GRM6: variants seen among roughly 807,000 people sequenced by gnomAD.
GRM6 encodes glutamate metabotropic receptor 6.
Under a neutral mutation model 78.4 loss-of-function variants are expected in GRM6, and 73 were observed. That is an observed-to-expected ratio of 0.93 (90% confidence interval 0.77 to 1.13). The LOEUF is 1.13. Among genes scored for constraint, GRM6 ranks in the 50% most tolerant of loss-of-function variants. The probability of loss-of-function intolerance (pLI) is 0.00; values close to 1 mark genes in which losing one functional copy is unlikely to be tolerated. For missense variants in GRM6, 1,251 were observed against 1,256.4 expected (o/e 1.00, Z 0.07); for synonymous variants, 580 against 555.0 (o/e 1.05, Z -0.63).
rs533525913 is a variant in GRM6 at position 178,989,400 on chromosome 5, C to T, written c.1018G>A (p.Asp340Asn). The change falls in exon 6 of 11, where the codon GAC becomes AAC. Residue 340 changes from aspartate to asparagine, a missense_variant. Transcript: ENST00000517717. ...AGGGATCGAGTCATGAAGTACTGGT[C>T]AAATCCTACAGACAGGGAAGAAGGG... The part of the protein sequence containing the change: ...LPKRASIDGF[D>N]QYFMTRSLEN... The T allele has an allele frequency of 1.2e-6, 2 of 1,614,102 alleles. No homozygotes were observed. Among genetic ancestry groups the T allele is most frequent in the East Asian group, 2.2e-5 (1 of 44,882 alleles).
chr5:178,991,786 C>T lies in GRM6; in HGVS notation c.721+81G>A, dbSNP rs1760679953. The stretch of plus-strand genomic sequence containing the variant: ...CGGCCCAGCATGGACCTGGGCCCCC[C>T]ATCTTTCTGCTTCTGCCCCAACTGA... On this transcript the variant is annotated intron_variant, in intron 3 of 10. Transcript: ENST00000517717. The surrounding 1 kb of genome is among the most constrained non-coding windows in gnomAD (Gnocchi z 5.0). 5 of 1,282,154 alleles carry T rather than the reference C, an allele frequency of 3.9e-6. No individual in the cohort carries two copies. In the South Asian group the frequency reaches 4.9e-5, roughly 13 times the overall value. The allele number at this position is 1,282,154 out of a possible 1,614,324, so 79.4% of individuals were successfully genotyped here. A position where few individuals can be genotyped will look rare whatever the true frequency, so the allele number is the denominator to read the frequency against.
Position 178,992,042 on chromosome 5 carries a change from G to A in GRM6, c.546C>T (p.Ser182=), listed in dbSNP as rs200220261. 7.4e-6 allele frequency: 12 copies of A among 1,613,822 alleles called. No individual in the cohort carries two copies. Among genetic ancestry groups the A allele is most frequent in the Middle Eastern group, 1.6e-4 (1 of 6,084 alleles). Reference sequence around the variant, plus strand: ...AGAAGAAGTCATAGCGTGTGGAGTCGCTGAGCTCCGGGGCTGTGGAGGCAT... The same window carrying A: ...AGAAGAAGTCATAGCGTGTGGAGTCACTGAGCTCCGGGGCTGTGGAGGCAT... ...ISYASTAPEL[S]DSTRYDFFSR... is the part of the protein sequence containing the mutation. Residue 182 remains serine (S), a synonymous_variant, in exon 3 of 11, where the codon AGC becomes AGT. Coordinates refer to ENST00000517717, the MANE Select transcript of GRM6 (RefSeq NM_000843.4). This position sits in a 1 kb window ranked among gnomAD's most constrained non-coding sequence, Gnocchi z 4.9.
chr5:178,985,620 G>C (rs562122001), intron 9 of GRM6: 99 of 361,886 alleles, frequency 2.7e-4, no homozygotes, highest in Middle Eastern at 5.2e-4. Flanking sequence ...GGAGAATGGC[G>C]TGAACCCGGA....
In GRM6 at chr5:178,986,220, G is replaced by A. The variant is rs1581894315; in HGVS notation, c.2034C>T (p.Ile678=). The change falls in exon 9 of 11, where the codon ATC becomes ATT. Residue 678 remains isoleucine (I), a synonymous_variant. Transcript: ENST00000517717. ...LLTKTNRIYR[I]FEQGKRSVTP... ...TGACCGAGCGCTTGCCCTGCTCAAA[G>A]ATGCGGTAGATACGGTTGGTCTTGG... The A allele has an allele frequency of 6.2e-7, 1 of 1,614,204 alleles. No individual in the cohort carries two copies. The highest frequency in any genetic ancestry group is 8.5e-7 in the Non-Finnish European group (1 of 1,180,024).
At chr5:178,983,646 T>C (rs955660329) in intron 9 of GRM6, 2 of 343,750 alleles carry the variant, frequency 5.8e-6, no homozygotes, top group Admixed American at 8.1e-5. Context: ...TCACGTGTAC[T>C]GAGCTTCAAA....
rs775721358 is a variant in GRM6 at position 178,988,973 on chromosome 5, C to T, written c.1316G>A (p.Arg439Gln). The T allele has an allele frequency of 6.8e-5, 109 of 1,613,742 alleles. No individual in the cohort carries two copies. Among genetic ancestry groups the T allele is most frequent in the Non-Finnish European group, 7.4e-5 (87 of 1,179,950 alleles). Residue 439 changes from arginine (R) to glutamine (Q), a missense_variant, in exon 7 of 11, where the codon CGG becomes CAG. By Grantham distance (43) the Arg-to-Gln change is conservative. Coordinates refer to ENST00000517717, the MANE Select transcript of GRM6 (RefSeq NM_000843.4). This position sits in a 1 kb window ranked among gnomAD's most constrained non-coding sequence, Gnocchi z 6.0. ...AGCTCGAATGTACTGCAGAAGCATCCGCCCATCAGTGGGTTCCATCGCCGG... is the reference window on the plus strand; with the variant it reads ...AGCTCGAATGTACTGCAGAAGCATCTGCCCATCAGTGGGTTCCATCGCCGG... ...LCPAMEPTDG[R>Q]MLLQYIRAVR...
In GRM6 at chr5:178,992,001, G is replaced by C; in HGVS notation, c.587C>G (p.Pro196Arg). 1 of 1,614,104 alleles carries C rather than the reference G, an allele frequency of 6.2e-7. No individual in the cohort carries two copies. The highest frequency in any genetic ancestry group is 1.1e-5 in the South Asian group (1 of 91,078). The change falls in exon 3 of 11, where the codon CCC becomes CGC. Residue 196 changes from proline to arginine, a missense_variant. Coordinates refer to ENST00000517717, the MANE Select transcript of GRM6 (RefSeq NM_000843.4). This position sits in a 1 kb window ranked among gnomAD's most constrained non-coding sequence, Gnocchi z 4.9. ...RYDFFSRVVPPDSYQAQAMVD... is the reference protein window; with the variant it reads ...RYDFFSRVVPRDSYQAQAMVD... ...CATGGCCTGCGCCTGGTAGGAGTCGGGTGGCACCACCCGGGAGAAGAAGTC... is the reference window on the plus strand; with the variant it reads ...CATGGCCTGCGCCTGGTAGGAGTCGCGTGGCACCACCCGGGAGAAGAAGTC...
Position 178,986,244 on chromosome 5 carries a change from G to A in GRM6, c.2010C>T (p.Thr670=), listed in dbSNP as rs781045383. The change falls in exon 9 of 11, where the codon ACC becomes ACT. Residue 670 remains threonine, a synonymous_variant. Transcript: ENST00000517717. ...GTTLSYSALL[T]KTNRIYRIFE... Reference sequence around the variant, plus strand: ...AGATGCGGTAGATACGGTTGGTCTTGGTGAGCAGGGCAGAGTAGCTGAGGG... The same window carrying A: ...AGATGCGGTAGATACGGTTGGTCTTAGTGAGCAGGGCAGAGTAGCTGAGGG... The A allele has an allele frequency of 6.2e-7, 1 of 1,614,198 alleles. No individual in the cohort carries two copies. The highest frequency in any genetic ancestry group is 1.6e-4 in the Middle Eastern group (1 of 6,062).
At chr5:178,983,596 C>G (rs1260273414) in intron 9 of GRM6, 2 of 407,900 alleles carry the variant, frequency 4.9e-6, no homozygotes, top group Non-Finnish European at 4.9e-6. Flanking sequence ...GCCGGAAGCT[C>G]TGGAACTGAG....
chr5:178,983,738 T>G (rs1180171204), intron 9 of GRM6, among the ~76,000 whole-genome samples: 1 of 152,162 alleles, frequency 6.6e-6, no homozygotes, highest in African/African-American at 2.4e-5. Context: ...CGAGGAGTAC[T>G]GGAGTCTGTG....
In GRM6 at chr5:178,981,682, C is replaced by T. The variant is rs1290306808; in HGVS notation, c.2609G>A (p.Gly870Asp). The change falls in exon 11 of 11, where the codon GGC becomes GAC. Residue 870 changes from glycine (G) to aspartate (D), a missense_variant. Coordinates refer to ENST00000517717, the MANE Select transcript of GRM6 (RefSeq NM_000843.4). The surrounding 1 kb of genome is among the most constrained non-coding windows in gnomAD (Gnocchi z 5.1). ...CTACTTGTGGGCCTCTGCATCCTCG[C>T]CCTTGGGTGGGGCTGCCACCGTGGA... ...ATSTVAAPPKGEDAEAHK is the reference protein window; with the variant it reads ...ATSTVAAPPKDEDAEAHK 1 of 1,614,030 alleles carries T rather than the reference C, an allele frequency of 6.2e-7. No homozygotes were observed. Among genetic ancestry groups the T allele is most frequent in the Admixed American group, 1.7e-5 (1 of 60,016 alleles).
rs143124859 is a variant in GRM6, at chr5:178,992,911, G to C, written c.505-828C>G. The stretch of plus-strand genomic sequence containing the variant: ...GGGCTGGAGAGAAACAAGAAGGAGA[G>C]AGGGAGAGAGAGAGAGAGAAACAAC... On this transcript the variant is annotated intron_variant, in intron 2 of 10. Transcript: ENST00000517717. The surrounding 1 kb of genome is among the most constrained non-coding windows in gnomAD (Gnocchi z 4.9). Among the ~76,000 whole-genome samples the C allele has an allele frequency of 5.3e-5, 8 of 151,974 alleles. No homozygotes were observed. The highest frequency in any genetic ancestry group is 1.2e-4 in the Non-Finnish European group (8 of 67,970).
intron 7 of GRM6, 187 bp from the exon 8 acceptor site, chr5:178,987,170 G>A (rs1351769436): frequency 1.4e-6 from 1 of 711,988 alleles, no homozygotes; most frequent in Non-Finnish European, 2.5e-6. Context: ...CCAAGAACCA[G>A]AAAATAACGA....
chr5:178,990,645 T>C lies in GRM6; in HGVS notation c.959A>G (p.Glu320Gly). 1 of 1,612,360 alleles carries C rather than the reference T, an allele frequency of 6.2e-7. No individual in the cohort carries two copies. The highest frequency in any genetic ancestry group is 8.5e-7 in the Non-Finnish European group (1 of 1,179,564). Residue 320 changes from glutamate to glycine, a missense_variant, in exon 5 of 11, where the codon GAG becomes GGG. Coordinates refer to ENST00000517717, the MANE Select transcript of GRM6 (RefSeq NM_000843.4). ...GAKTSPILSL[E>G]DVAVGAITIL... Reference sequence around the variant, plus strand: ...GGTGATGGCCCCAACGGCCACGTCCTCCAGGCTCAAGATGGGTGAGGTCTT... The same window carrying C: ...GGTGATGGCCCCAACGGCCACGTCCCCCAGGCTCAAGATGGGTGAGGTCTT...
intron 9 of GRM6, chr5:178,985,377 G>A (rs548172134): frequency 3.6e-5 from 14 of 390,688 alleles, no homozygotes; most frequent in Non-Finnish European, 6.0e-5. Flanking sequence ...TGTCACAGGA[G>A]GGGAGGGGCT....
intron 2 of GRM6, among the ~76,000 whole-genome samples, 189 bp downstream of exon 2, chr5:178,994,252 G>A (rs1211468437): frequency 1.3e-5 from 2 of 152,202 alleles, no homozygotes; most frequent in Non-Finnish European, 2.9e-5. Context: ...ATGGGCGGCT[G>A]GAGTGTTTGG....
rs1359315687 is a variant in GRM6 at position 178,978,401 on chromosome 5, A to G, written c.*3256T>C. Reference sequence around the variant, plus strand: ...GTTACCTGGACTCTTTACAGTAAGCAATGAATGTAATAAATTAAAGGGAAA... The same window carrying G: ...GTTACCTGGACTCTTTACAGTAAGCGATGAATGTAATAAATTAAAGGGAAA... On this transcript the variant is annotated 3_prime_UTR_variant, in exon 11 of 11. Coordinates refer to ENST00000517717, the MANE Select transcript of GRM6 (RefSeq NM_000843.4). 6.6e-6 allele frequency: 1 copy of G among 152,242 alleles called. No homozygotes were observed. Among genetic ancestry groups the G allele is most frequent in the Admixed American group, 6.5e-5 (1 of 15,284 alleles). The allele number at this position is 152,242 out of a possible 1,614,324, so 9.4% of individuals were successfully genotyped here.
chr5:178,990,292 C>G (rs896344273), intron 5 of GRM6, among the ~76,000 whole-genome samples: 1 of 152,216 alleles, frequency 6.6e-6, no homozygotes, highest in Non-Finnish European at 1.5e-5. Flanking sequence ...CTCCCACCCT[C>G]ACCCTCAGAT....
chr5:178,994,697 G>C lies in GRM6; in HGVS notation c.248C>G (p.Pro83Arg). 6.8e-7 allele frequency: 1 copy of C among 1,470,054 alleles called. No individual in the cohort carries two copies. Among genetic ancestry groups the C allele is most frequent in the Non-Finnish European group, 9.0e-7 (1 of 1,113,728 alleles). 91.1% of individuals were successfully genotyped at this position (1,470,054 alleles called of 1,614,324 possible). ...CAGGCGCACGCCGGGCAGCAGCTCG[G>C]GGTCGGCGTTGACGCGGTCCAGCGC... ...LYALDRVNADPELLPGVRLGA... is the reference protein window; with the variant it reads ...LYALDRVNADRELLPGVRLGA... Residue 83 changes from proline (P) to arginine (R), a missense_variant, in exon 2 of 11, where the codon CCC (proline) becomes CGC (arginine). Coordinates refer to ENST00000517717, the MANE Select transcript of GRM6 (RefSeq NM_000843.4).
Sources: allele counts gnomAD v4.1 joint callset (sites outside exome capture counted in the v4.1 genomes callset), GRCh38; gene constraint gnomAD v4.1.1; non-coding constraint Gnocchi (gnomAD v3.1); transcripts MANE v1.5; gene names NCBI Gene and HGNC (gene_info 2026-07-23, HGNC 2026-07-21).